PTPRD: variants seen among roughly 807,000 people sequenced by gnomAD.
The protein encoded by PTPRD is protein tyrosine phosphatase receptor type D, also known as receptor-type tyrosine-protein phosphatase delta.
In PTPRD, 34 loss-of-function variants were observed where a neutral mutation model predicts 214.5. The ratio of observed to expected loss-of-function variants is 0.16; its 90% CI spans 0.12 to 0.21. The LOEUF (loss-of-function observed/expected upper bound fraction) is 0.21, where lower values mean the gene tolerates loss of function less well. PTPRD is among the 10% of genes least tolerant of loss of function. The pLI is 1.00. For synonymous variants in PTPRD, 1,128 were observed against 845.7 expected (o/e 1.33, Z -5.79); for missense variants, 2,545 against 2,398.7 (o/e 1.06, Z -1.27).
chr9:9,027,918 C>G (rs2099592537), intron 10 of PTPRD, among the ~76,000 whole-genome samples: 1 of 151,866 alleles, frequency 6.6e-6, no homozygotes, highest in Non-Finnish European at 1.5e-5. Context: ...AAAAGAATCC[C>G]CTGTGATGAA....
intron 3 of PTPRD, among the ~76,000 whole-genome samples, chr9:10,149,973 C>T (rs1002923110): frequency 1.3e-5 from 2 of 152,034 alleles, no homozygotes; most frequent in Non-Finnish European, 2.9e-5. Flanking sequence ...TCATGATCCA[C>T]CTGCCTCGGC....
intron 3 of PTPRD, among the ~76,000 whole-genome samples, chr9:10,150,778 A>C (rs1390603622): frequency 6.6e-6 from 1 of 152,120 alleles, no homozygotes; most frequent in Non-Finnish European, 1.5e-5. Context: ...TTTAATTAGA[A>C]AACATGATGT....
At chr9:9,509,686 T>A (rs1409026506) in intron 8 of PTPRD, among the ~76,000 whole-genome samples, 1 of 151,702 alleles carries the variant, frequency 6.6e-6, no homozygotes, top group Non-Finnish European at 1.5e-5. Context: ...ATTCCTTGGC[T>A]ATCTTCATTG....
chr9:9,989,014 A>C (rs1464152266), intron 4 of PTPRD, among the ~76,000 whole-genome samples: 1 of 102,958 alleles, frequency 9.7e-6, no homozygotes, highest in African/African-American at 3.7e-5. Flanking sequence ...AGTTTCACTG[A>C]CCAAAAAAAA....
intron 33 of PTPRD, chr9:8,451,897 C>A: frequency 2.0e-6 from 1 of 501,608 alleles, no homozygotes; most frequent in South Asian, 1.5e-5. Context: ...TTTACTCTTA[C>A]AGGTATTGTA....
intron 9 of PTPRD, among the ~76,000 whole-genome samples, chr9:9,261,959 G>C (rs1340587867): frequency 1.3e-5 from 2 of 151,616 alleles, no homozygotes; most frequent in African/African-American, 2.4e-5. Flanking sequence ...ATAAAGGAAA[G>C]GAAATCATAT....
Position 10,004,157 on chromosome 9 carries a change from T to C in PTPRD, c.-472+29561A>G, listed in dbSNP as rs10978160. Among the ~76,000 whole-genome samples the C allele has an allele frequency of 4.6e-5, 7 of 152,004 alleles. No individual in the cohort carries two copies. In the East Asian group the frequency reaches 1.4e-3, roughly 29 times the overall value. On this transcript the variant is annotated intron_variant, in intron 4 of 45. Coordinates refer to ENST00000381196, the MANE Select transcript of PTPRD (RefSeq NM_002839.4). ...TATAGCCCCTGACATAGAAAGGTTT[T>C]AAGTTTGATGGAGAAAATGTGCCTA...
At chr9:10,023,552 T>A (rs190719665) in intron 4 of PTPRD, among the ~76,000 whole-genome samples, 15 of 152,310 alleles carry the variant, frequency 9.8e-5, no homozygotes, top group Admixed American at 1.3e-4. Flanking sequence ...TCACTTGTTT[T>A]TTTCTTTTAT....
At chr9:9,710,549 G>A (rs1425345973) in intron 7 of PTPRD, among the ~76,000 whole-genome samples, 1 of 151,480 alleles carries the variant, frequency 6.6e-6, no homozygotes, top group Non-Finnish European at 1.5e-5. Flanking sequence ...TTGAAGGATT[G>A]CTTCTTAATT....
intron 11 of PTPRD, among the ~76,000 whole-genome samples, chr9:8,959,920 A>T (rs966902234): frequency 6.6e-6 from 1 of 152,088 alleles, no homozygotes; most frequent in Non-Finnish European, 1.5e-5. Context: ...GTATTCATCG[A>T]GTACCTCACC....
At chr9:8,724,405 G>C (rs1383989489) in intron 12 of PTPRD, among the ~76,000 whole-genome samples, 5 of 152,050 alleles carry the variant, frequency 3.3e-5, no homozygotes, top group Non-Finnish European at 7.4e-5. Flanking sequence ...CTATCACCCT[G>C]GTCCCTTGTA....
intron 2 of PTPRD, among the ~76,000 whole-genome samples, chr9:10,446,599 A>T (rs1020007037): frequency 1.3e-5 from 2 of 151,996 alleles, no homozygotes; most frequent in African/African-American, 4.8e-5. Context: ...GGAGCAAGAT[A>T]TCATTAAATA....
intron 4 of PTPRD, among the ~76,000 whole-genome samples, chr9:9,945,669 T>C (rs2092442777): frequency 6.6e-6 from 1 of 152,160 alleles, no homozygotes; most frequent in Non-Finnish European, 1.5e-5. Flanking sequence ...TGCTGGATTG[T>C]AATCAAGATA....
chr9:9,626,272 G>A (rs1365144512), intron 7 of PTPRD, among the ~76,000 whole-genome samples: 1 of 152,190 alleles, frequency 6.6e-6, no homozygotes, highest in Non-Finnish European at 1.5e-5. Context: ...TTTAGTGTGA[G>A]TAGGGTGCTA....
intron 14 of PTPRD, among the ~76,000 whole-genome samples, chr9:8,594,861 T>C (rs13287115): frequency 0.051 from 4,530 of 89,098 alleles, 76 homozygotes; most frequent in Non-Finnish European, 0.056. Flanking sequence ...GTTTAACCCC[T>C]TTTTTTTTTT....
chr9:8,489,581 CCACATGAAGGGT>C (rs2097107102), intron 27 of PTPRD, among the ~76,000 whole-genome samples: 3 of 152,122 alleles, frequency 2.0e-5, no homozygotes, highest in Non-Finnish European at 4.4e-5. Flanking sequence ...GAGAGGCTGG[CCACATGAAGGGT>C]CACACGAAGC....
At chr9:8,718,544 T>G (rs2098460334) in intron 12 of PTPRD, among the ~76,000 whole-genome samples, 1 of 152,090 alleles carries the variant, frequency 6.6e-6, no homozygotes, top group East Asian at 1.9e-4. Context: ...TGTGGGGCTC[T>G]CACTCTTTCC....
chr9:10,130,049 G>GT (rs34152319), intron 3 of PTPRD, among the ~76,000 whole-genome samples: 20,172 of 151,350 alleles, frequency 0.13, 1,428 homozygotes, highest in South Asian at 0.27. Context: ...AGTTTGATTT[G>GT]TTTTTTTGAT....
intron 12 of PTPRD, among the ~76,000 whole-genome samples, chr9:8,654,823 A>G (rs1200871620): frequency 6.6e-6 from 1 of 152,170 alleles, no homozygotes; most frequent in Non-Finnish European, 1.5e-5. Flanking sequence ...GTCATTAGGA[A>G]GGCAATATTG....
Sources: gnomAD v4.1 joint callset for allele counts (sites outside exome capture counted in the v4.1 genomes callset) on GRCh38, gnomAD v4.1.1 for gene constraint, MANE v1.5 for transcripts, NCBI Gene and HGNC (gene_info 2026-07-23, HGNC 2026-07-21) for gene names.